Variants in CASK observed in about 807,000 individuals in gnomAD.
CASK encodes peripheral plasma membrane protein CASK.
Under a neutral mutation model 82.9 loss-of-function variants are expected in CASK, and 4 were observed. The ratio of observed to expected loss-of-function variants is 0.05; its 90% CI spans 0.02 to 0.11. CASK has a LOEUF of 0.11. CASK is among the 10% of genes least tolerant of loss of function. The pLI is 1.00. For synonymous variants in CASK, 259 were observed against 253.5 expected (o/e 1.02, Z -0.20); for missense variants, 358 against 720.9 (o/e 0.50, Z 5.76).
At chrX:41,695,312 T>TC (rs1188446126) in intron 5 of CASK, among the ~76,000 whole-genome samples, 1 of 99,344 alleles carries the variant, frequency 1.0e-5, no homozygotes, top group African/African-American at 3.6e-5. Flanking sequence ...TACACTGTCT[T>TC]TTTTTTTTTT....
chrX:41,879,176 G>C (rs965467343), intron 1 of CASK, among the ~76,000 whole-genome samples: 1 of 110,725 alleles, frequency 9.0e-6, no homozygotes, highest in Non-Finnish European at 1.9e-5. Context: ...TGTAAGAAAT[G>C]GTATGCATCA....
chrX:41,654,527 G>T (rs765752355), intron 8 of CASK, among the ~76,000 whole-genome samples: 1 of 110,465 alleles, frequency 9.1e-6, no homozygotes, highest in South Asian at 3.9e-4. Flanking sequence ...AAAAAAATTA[G>T]CCAGGCATGG....
chrX:41,751,683 G>C (rs751744041), intron 3 of CASK, among the ~76,000 whole-genome samples: 16 of 110,541 alleles, frequency 1.4e-4, no homozygotes, highest in Non-Finnish European at 2.5e-4. Context: ...TGGGACCATA[G>C]AGCTGCACTA....
chrX:41,542,557 T>C, intron 22 of CASK, 134 bp downstream of exon 22: 1 of 476,924 alleles, frequency 2.1e-6, no homozygotes, highest in Non-Finnish European at 3.7e-6. Flanking sequence ...CTTAAAGGTT[T>C]TGAAAGTTGA....
intron 6 of CASK, chrX:41,665,798 C>T: frequency 5.4e-6 from 1 of 185,716 alleles, no homozygotes; most frequent in Non-Finnish European, 9.9e-6. Flanking sequence ...ATATATAGAG[C>T]AGAGGCAGGT....
At chrX:41,587,065 A>T in intron 13 of CASK, 78 bp from the exon 14 acceptor site, 1 of 605,687 alleles carries the variant, frequency 1.7e-6, no homozygotes, top group Non-Finnish European at 2.6e-6. Flanking sequence ...TAAGTTAAAA[A>T]TTATGAGTGG....
chrX:41,523,934 A>C lies in CASK; in HGVS notation c.2604+17T>G, dbSNP rs1318782803. ...GATCCTTACAGCTTATTTGGGGAAAAACAGATTGATTCTTACCTCATTTAA... is the reference window on the plus strand; with the variant it reads ...GATCCTTACAGCTTATTTGGGGAAACACAGATTGATTCTTACCTCATTTAA... On this transcript the variant is annotated intron_variant, in intron 26 of 26. Transcript: ENST00000378163. 2 of 1,143,104 alleles carry C rather than the reference A, an allele frequency of 1.7e-6. No individual in the cohort carries two copies. 94.2% of individuals were successfully genotyped at this position (1,143,104 alleles called of 1,213,427 possible).
At chrX:41,611,632 T>C (rs1314571234) in intron 11 of CASK, among the ~76,000 whole-genome samples, 33 of 49,791 alleles carry the variant, frequency 6.6e-4, no homozygotes, top group Admixed American at 4.2e-3. Flanking sequence ...CCTCTCTCTC[T>C]CCCTCTCCCT....
At chrX:41,551,879 C>CA (rs1192377020) in intron 21 of CASK, among the ~76,000 whole-genome samples, 5,633 of 23,096 alleles carry the variant, frequency 0.24, 584 homozygotes, top group Non-Finnish European at 0.28. Context: ...GACTCCGTCT[C>CA]AAAAAAAAAA....
chrX:41,713,899 C>A (rs891336290), intron 5 of CASK, among the ~76,000 whole-genome samples: 1 of 111,388 alleles, frequency 9.0e-6, no homozygotes, highest in Non-Finnish European at 1.9e-5. Flanking sequence ...GTTCTCCTAA[C>A]GGTAAGAGGA....
intron 16 of CASK, among the ~76,000 whole-genome samples, chrX:41,565,348 T>C (rs893170582): frequency 9.0e-6 from 1 of 110,544 alleles, no homozygotes; most frequent in Non-Finnish European, 1.9e-5. Context: ...GCAAGACTAA[T>C]AAAGAAGAAA....
chrX:41,599,629 C>T (rs2065867222), intron 12 of CASK, among the ~76,000 whole-genome samples: 1 of 112,088 alleles, frequency 8.9e-6, no homozygotes, highest in Non-Finnish European at 1.9e-5. Flanking sequence ...GCTTGACCTC[C>T]TAGTTCAATC....
At chrX:41,591,368 A>C (rs1181207467) in intron 12 of CASK, among the ~76,000 whole-genome samples, 1 of 112,464 alleles carries the variant, frequency 8.9e-6, no homozygotes, top group African/African-American at 3.2e-5. Context: ...AAACTAAGAA[A>C]CCATAAAACA....
chrX:41,630,772 G>A (rs768135895), intron 9 of CASK, among the ~76,000 whole-genome samples: 2 of 111,627 alleles, frequency 1.8e-5, no homozygotes, highest in East Asian at 5.6e-4. Context: ...GAATTCAGAC[G>A]ACTGAACTCA....
At chrX:41,813,890 T>G (rs1391330286) in intron 2 of CASK, among the ~76,000 whole-genome samples, 4 of 110,762 alleles carry the variant, frequency 3.6e-5, no homozygotes, top group African/African-American at 1.3e-4. Context: ...TCAAACAAAT[T>G]TACAAGAAAA....
intron 26 of CASK, among the ~76,000 whole-genome samples, chrX:41,523,613 T>C (rs1195472576): frequency 8.9e-6 from 1 of 112,461 alleles, no homozygotes; most frequent in African/African-American, 3.2e-5. Context: ...TGGACAGAGC[T>C]GATTTCTAGG....
At chrX:41,699,083 T>A (rs2067746420) in intron 5 of CASK, among the ~76,000 whole-genome samples, 1 of 110,064 alleles carries the variant, frequency 9.1e-6, no homozygotes, top group Non-Finnish European at 1.9e-5. Context: ...CCCGCCACCA[T>A]GACCGGCTGT....
chrX:41,821,950 C>G (rs1291218384), intron 2 of CASK, among the ~76,000 whole-genome samples: 1 of 111,753 alleles, frequency 8.9e-6, no homozygotes, highest in Non-Finnish European at 1.9e-5. Flanking sequence ...CCCTAGCCCT[C>G]GAGTCTTCTG....
At chrX:41,839,704 CTT>C (rs1156804079) in intron 2 of CASK, among the ~76,000 whole-genome samples, 2 of 110,803 alleles carry the variant, frequency 1.8e-5, no homozygotes, top group African/African-American at 6.5e-5. Flanking sequence ...AAGTGATCAA[CTT>C]TGCCTTATTC....
Sources: allele counts gnomAD v4.1 joint callset (sites outside exome capture counted in the v4.1 genomes callset), GRCh38; gene constraint gnomAD v4.1.1; transcripts MANE v1.5; gene names NCBI Gene and HGNC (gene_info 2026-07-23, HGNC 2026-07-21).